Variants in CD59 observed in about 807,000 individuals in gnomAD.
CD59 encodes the protein CD59 glycoprotein.
In CD59, 3 loss-of-function variants were observed where a neutral mutation model predicts 7.0. The observed-to-expected ratio is 0.43, with a 90% CI of 0.19 to 1.10. The LOEUF (loss-of-function observed/expected upper bound fraction) is 1.10. Ranked by LOEUF, CD59 falls within the 50% of genes least tolerant of loss-of-function variation. The probability of loss-of-function intolerance (pLI) is 0.29; values close to 1 mark genes in which losing one functional copy is unlikely to be tolerated. For missense variants in CD59, 143 were observed against 151.0 expected (o/e 0.95, Z 0.28); for synonymous variants, 60 against 62.0 (o/e 0.97, Z 0.15).
intron 1 of CD59, among the ~76,000 whole-genome samples, chr11:33,735,906 T>A (rs972128803): frequency 2.2e-5 from 3 of 134,998 alleles, no homozygotes; most frequent in Admixed American, 1.4e-4. Context: ...ACAGCGAAAC[T>A]CCATCTCAAA....
Position 33,710,121 on chromosome 11 carries a change from T to A in CD59, c.*5A>T. 6.2e-7 allele frequency: 1 copy of A among 1,608,554 alleles called. No individual in the cohort carries two copies. Among genetic ancestry groups the A allele is most frequent in the Non-Finnish European group, 8.5e-7 (1 of 1,176,102 alleles). ...GAGTTTGGGAGAAGCTCTCCTGGTG[T>A]TGACTTAGGGATGAAGGCTCCAGGC... On this transcript the variant is annotated 3_prime_UTR_variant, in exon 4 of 4. Coordinates refer to ENST00000642928, the MANE Select transcript of CD59 (RefSeq NM_000611.6).
chr11:33,725,976 G>A (rs1023654971), intron 1 of CD59, among the ~76,000 whole-genome samples: 3 of 152,162 alleles, frequency 2.0e-5, no homozygotes, highest in Non-Finnish European at 4.4e-5. Flanking sequence ...AACAAGAAGA[G>A]CTAACTATCC....
chr11:33,714,219 T>C (rs577052489), intron 3 of CD59, among the ~76,000 whole-genome samples: 2 of 152,314 alleles, frequency 1.3e-5, no homozygotes, highest in African/African-American at 4.8e-5. Flanking sequence ...TTACATGGAA[T>C]AGCCTAGTAC....
At chr11:33,726,633 C>A (rs1256881481) in intron 1 of CD59, among the ~76,000 whole-genome samples, 3 of 152,120 alleles carry the variant, frequency 2.0e-5, no homozygotes, top group African/African-American at 7.2e-5. Flanking sequence ...GAAGCAAGAG[C>A]AAACAAATTC....
At position 33,707,012 on chromosome 11, in the gene CD59, C is replaced by T. The variant is rs1489588002; in HGVS notation, c.*3114G>A. 6.6e-6 allele frequency: 1 copy of T among 152,224 alleles called. No individual in the cohort carries two copies. Among genetic ancestry groups the T allele is most frequent in the Non-Finnish European group, 1.5e-5 (1 of 68,052 alleles). 9.4% of individuals were successfully genotyped at this position (152,224 alleles called of 1,614,324 possible). Reference sequence around the variant, plus strand: ...AAGTGACCTTGAGCGATCCAGCTAACTTTGCATAGTTTCCTCTTGTGTAAA... The same window carrying T: ...AAGTGACCTTGAGCGATCCAGCTAATTTTGCATAGTTTCCTCTTGTGTAAA... On this transcript the variant is annotated 3_prime_UTR_variant, in exon 4 of 4. Coordinates refer to ENST00000642928, the MANE Select transcript of CD59 (RefSeq NM_000611.6).
chr11:33,708,280 C>A lies in CD59; in HGVS notation c.*1846G>T, dbSNP rs1011311989. The A allele has an allele frequency of 6.6e-6, 1 of 152,150 alleles. No individual in the cohort carries two copies. The highest frequency in any genetic ancestry group is 1.5e-5 in the Non-Finnish European group (1 of 68,054). The allele number at this position is 152,150 out of a possible 1,614,324, so 9.4% of individuals were successfully genotyped here. A position where few individuals can be genotyped will look rare whatever the true frequency, so the allele number is the denominator to read the frequency against. ...GGACAGCTTAACAGCCCCATCTCCC[C>A]ATTTAGTGGCACTCAGATTTTGCTT... On this transcript the variant is annotated 3_prime_UTR_variant, in exon 4 of 4. Coordinates refer to ENST00000642928, the MANE Select transcript of CD59 (RefSeq NM_000611.6).
At chr11:33,725,811 C>T (rs1349513226) in intron 1 of CD59, among the ~76,000 whole-genome samples, 6 of 151,892 alleles carry the variant, frequency 4.0e-5, no homozygotes, top group East Asian at 3.9e-4. Context: ...AAGTAATGGG[C>T]GTGGAAGGCT....
At chr11:33,717,643 A>T (rs925391985) in intron 2 of CD59, 172 bp from the exon 3 acceptor site, 3 of 631,614 alleles carry the variant, frequency 4.7e-6, no homozygotes, top group Admixed American at 2.2e-5. Flanking sequence ...TTCCAGCAAC[A>T]TTTTTTGGAC....
intron 1 of CD59, among the ~76,000 whole-genome samples, chr11:33,724,666 G>A (rs1270056111): frequency 6.6e-6 from 1 of 152,070 alleles, no homozygotes; most frequent in Non-Finnish European, 1.5e-5. Context: ...GTGAGGTGAG[G>A]AAGCCAGAGA....
At chr11:33,712,704 C>T (rs762365361) in intron 3 of CD59, among the ~76,000 whole-genome samples, 6 of 152,072 alleles carry the variant, frequency 3.9e-5, no homozygotes, top group South Asian at 2.1e-4. Context: ...TAGACAGTTG[C>T]GATAAGTCAT....
chr11:33,704,210 ACT>A lies in CD59; in HGVS notation c.*5914_*5915del, dbSNP rs58634493. On this transcript the variant is annotated 3_prime_UTR_variant, in exon 4 of 4. Transcript: ENST00000642928. ...TACAAGAGTTGTGCCTGAATCTGGG[ACT>A]CTCTGTGACCCTGGGAAAATCACAT... is the stretch of plus-strand genomic sequence containing the variant. 1 of 151,876 alleles carries A rather than the reference ACT, an allele frequency of 6.6e-6. No individual in the cohort carries two copies. The highest frequency in any genetic ancestry group is 1.5e-5 in the Non-Finnish European group (1 of 68,008). The allele number at this position is 151,876 out of a possible 1,614,324, so 9.4% of individuals were successfully genotyped here. A position where few individuals can be genotyped will look rare whatever the true frequency, so the allele number is the denominator to read the frequency against.
Position 33,710,004 on chromosome 11 carries a change from G to T in CD59, c.*122C>A. The T allele has an allele frequency of 1.2e-6, 1 of 846,032 alleles. No homozygotes were observed. The highest frequency in any genetic ancestry group is 2.0e-6 in the Non-Finnish European group (1 of 512,280). The allele number at this position is 846,032 out of a possible 1,614,324, so 52.4% of individuals were successfully genotyped here. ...CCTCTATCTTAGCCAGGTTGCTCAA[G>T]CTAATTTTATTCTTTCCCAACAGGA... On this transcript the variant is annotated 3_prime_UTR_variant, in exon 4 of 4. Transcript: ENST00000642928.
intron 1 of CD59, among the ~76,000 whole-genome samples, chr11:33,723,751 T>C (rs1332079526): frequency 6.6e-6 from 1 of 152,134 alleles, no homozygotes; most frequent in African/African-American, 2.4e-5. Flanking sequence ...CAGGGGTTTC[T>C]GAGTAGGAAG....
At chr11:33,713,225 T>C (rs1172214070) in intron 3 of CD59, among the ~76,000 whole-genome samples, 3 of 152,142 alleles carry the variant, frequency 2.0e-5, no homozygotes, top group African/African-American at 7.2e-5. Context: ...TATGGTAGAT[T>C]TTCTTCTCCA....
rs1258239763 is a variant in CD59, at chr11:33,708,801, G to A, written c.*1325C>T. On this transcript the variant is annotated 3_prime_UTR_variant, in exon 4 of 4. Coordinates refer to ENST00000642928, the MANE Select transcript of CD59 (RefSeq NM_000611.6). ...ATTAAGCATACTGCATATCCTTTTC[G>A]GCCATAACCACATTCACCCACTTGT... 2 of 152,088 alleles carry A rather than the reference G, an allele frequency of 1.3e-5. No individual in the cohort carries two copies. The highest frequency in any genetic ancestry group is 2.9e-5 in the Non-Finnish European group (2 of 68,008). The allele number at this position is 152,088 out of a possible 1,614,324, so 9.4% of individuals were successfully genotyped here.
intron 3 of CD59, among the ~76,000 whole-genome samples, chr11:33,710,832 A>C (rs1853517794): frequency 6.6e-6 from 1 of 151,610 alleles, no homozygotes; most frequent in South Asian, 2.1e-4. Flanking sequence ...TGATAGAATT[A>C]TAGGGGTGAG....
intron 1 of CD59, among the ~76,000 whole-genome samples, chr11:33,724,749 G>A (rs995113513): frequency 5.9e-5 from 9 of 152,152 alleles, no homozygotes; most frequent in Non-Finnish European, 1.3e-4. Context: ...TTCTGGGATG[G>A]TTGGGGAGTG....
chr11:33,727,413 G>A (rs1289614528), intron 1 of CD59, among the ~76,000 whole-genome samples: 2 of 152,058 alleles, frequency 1.3e-5, no homozygotes, highest in South Asian at 2.1e-4. Flanking sequence ...CAGAACCAAC[G>A]ACAAAAACCA....
In CD59 at chr11:33,703,917, C is replaced by G. The variant is rs529309614; in HGVS notation, c.*6209G>C. 1 of 152,374 alleles carries G rather than the reference C, an allele frequency of 6.6e-6. No homozygotes were observed. The highest frequency in any genetic ancestry group is 1.9e-4 in the East Asian group (1 of 5,188). 9.4% of individuals were successfully genotyped at this position (152,374 alleles called of 1,614,324 possible). On this transcript the variant is annotated 3_prime_UTR_variant, in exon 4 of 4. Coordinates refer to ENST00000642928, the MANE Select transcript of CD59 (RefSeq NM_000611.6). The stretch of plus-strand genomic sequence containing the variant: ...TGGCACTAATTTTCCATTGCCACAG[C>G]CCTCTCCAGCCAGGAGGGCCTGGAG...
Sources: allele counts gnomAD v4.1 joint callset (sites outside exome capture counted in the v4.1 genomes callset), GRCh38; gene constraint gnomAD v4.1.1; transcripts MANE v1.5; gene names NCBI Gene and HGNC (gene_info 2026-07-23, HGNC 2026-07-21).